Variants in PRUNE2 observed in about 807,000 individuals in gnomAD.
PRUNE2 encodes protein prune homolog 2.
PRUNE2 carries 164 observed loss-of-function variants against 252.0 expected under a neutral mutation model. The ratio of observed to expected loss-of-function variants is 0.65; its 90% CI spans 0.57 to 0.74. The LOEUF is 0.74. Among genes scored for constraint, PRUNE2 ranks in the 30% least tolerant of loss-of-function variants. The pLI, the probability that PRUNE2 is intolerant of heterozygous loss-of-function variation, is 0.00. For synonymous variants in PRUNE2, 1,292 were observed against 1,350.2 expected, an observed-to-expected ratio of 0.96 and a Z score of 0.94; for missense variants, 3,495 against 3,711.0, an observed-to-expected ratio of 0.94 and a Z score of 1.51.
intron 16 of PRUNE2, chr9:76,625,035 T>A: frequency 7.7e-7 from 1 of 1,303,460 alleles, no homozygotes; most frequent in South Asian, 1.2e-5. Context: ...CACACTTCTC[T>A]TATAAGATCT....
chr9:76,812,547 C>T (rs946676013), intron 6 of PRUNE2, among the ~76,000 whole-genome samples: 2 of 152,164 alleles, frequency 1.3e-5, no homozygotes, highest in African/African-American at 2.4e-5. Flanking sequence ...ACTTCTACTA[C>T]GATATCTCAC....
intron 6 of PRUNE2, chr9:76,759,532 A>G (rs1180492555): frequency 6.6e-6 from 1 of 152,414 alleles, no homozygotes; most frequent in Non-Finnish European, 1.5e-5. Context: ...GTGTCTGAAC[A>G]TCGAGAGGAC....
intron 4 of PRUNE2, among the ~76,000 whole-genome samples, chr9:76,845,997 G>A (rs1275324638): frequency 6.6e-6 from 1 of 152,186 alleles, no homozygotes; most frequent in Non-Finnish European, 1.5e-5. Flanking sequence ...AACAGTTTGA[G>A]TGAAGACAGA....
At chr9:76,741,045 C>G (rs1038287280) in intron 6 of PRUNE2, among the ~76,000 whole-genome samples, 1 of 152,158 alleles carries the variant, frequency 6.6e-6, no homozygotes, top group African/African-American at 2.4e-5. Flanking sequence ...GAAGAATACA[C>G]TCACAAAAAT....
At chr9:76,655,374 G>T (rs565440542) in intron 10 of PRUNE2, 49 bp downstream of exon 10, 2 of 1,289,734 alleles carry the variant, frequency 1.6e-6, no homozygotes, top group Non-Finnish European at 2.2e-6. Context: ...TAATGAAAAC[G>T]TTGGGATACA....
rs751560384 is a variant in PRUNE2 at position 76,705,310 on chromosome 9, G to A, written c.6964C>T (p.Leu2322=). Residue 2322 remains leucine, a synonymous_variant, in exon 8 of 19, where the codon CTG becomes TTG. Transcript: ENST00000376718. ...STGTIDDMSK[L]TLSEGHPETP... ...TCCGGATGGCCTTCGGATAATGTCA[G>A]TTTACTCATGTCATCTATTGTTCCC... 1.9e-6 allele frequency: 3 copies of A among 1,613,922 alleles called. No individual in the cohort carries two copies. In the African/African-American group the frequency reaches 4.0e-5, roughly 22 times the overall value.
intron 6 of PRUNE2, among the ~76,000 whole-genome samples, chr9:76,777,675 T>C (rs940487822): frequency 6.6e-6 from 1 of 152,170 alleles, no homozygotes; most frequent in South Asian, 2.1e-4. Context: ...AATACATATA[T>C]AAACAAGTAG....
intron 12 of PRUNE2, among the ~76,000 whole-genome samples, 169 bp from the exon 13 acceptor site, chr9:76,638,457 G>C (rs1042141204): frequency 1.8e-4 from 27 of 152,230 alleles, no homozygotes; most frequent in Admixed American, 2.6e-4. Context: ...TACCCATATA[G>C]TTATCTTTCA....
intron 1 of PRUNE2, among the ~76,000 whole-genome samples, chr9:76,887,570 T>C (rs1298049883): frequency 6.6e-6 from 1 of 152,214 alleles, no homozygotes; most frequent in African/African-American, 2.4e-5. Flanking sequence ...CCCACTGCTA[T>C]TGGGCTTGGC....
chr9:76,895,408 C>G (rs756017001), intron 1 of PRUNE2, among the ~76,000 whole-genome samples: 12 of 152,196 alleles, frequency 7.9e-5, no homozygotes, highest in Admixed American at 1.3e-4. Context: ...GACTCATGAT[C>G]ACTTGTTATA....
In PRUNE2 at chr9:76,864,648, T is replaced by C. The variant is rs55675484; in HGVS notation, c.37-10440A>G. On this transcript the variant is annotated intron_variant, in intron 1 of 18. Transcript: ENST00000376718. The stretch of plus-strand genomic sequence containing the variant: ...TACCATTTTGCCATTAAAAGGGCAA[T>C]ATTTCTGACACACAAAGGGTTCCTA... Among the ~76,000 whole-genome samples the C allele has an allele frequency of 7.5e-3, 1,145 of 152,238 alleles. 10 individuals carry two copies. Among genetic ancestry groups the C allele is most frequent in the African/African-American group, 0.025 (1,035 of 41,540 alleles).
chr9:76,690,522 G>A (rs2044596815), intron 9 of PRUNE2, among the ~76,000 whole-genome samples: 1 of 152,178 alleles, frequency 6.6e-6, no homozygotes, highest in African/African-American at 2.4e-5. Context: ...AGAAAGTACT[G>A]TGATCTCTTA....
intron 1 of PRUNE2, among the ~76,000 whole-genome samples, chr9:76,881,114 TGC>T (rs2061755969): frequency 7.9e-5 from 12 of 152,232 alleles, no homozygotes; most frequent in Non-Finnish European, 1.6e-4. Context: ...ACTACAGGCG[TGC>T]GCCACCATAC....
In PRUNE2 at chr9:76,676,930, C is replaced by A. The variant is rs1371138746; in HGVS notation, c.8277-21428G>T. Among the ~76,000 whole-genome samples, 12 of 152,164 alleles carry A rather than the reference C, an allele frequency of 7.9e-5. No homozygotes were observed. In the East Asian group the frequency reaches 2.3e-3, roughly 29 times the overall value. On this transcript the variant is annotated intron_variant, in intron 9 of 18. Coordinates refer to ENST00000376718, the MANE Select transcript of PRUNE2 (RefSeq NM_015225.3). ...AGATTAATCCATCATTATGGAGGTC[C>A]TGCTGTTCCCACTGTCCACATGTCT...
In PRUNE2 at chr9:76,851,355, G is replaced by A. The variant is rs373499189; in HGVS notation, c.142-690C>T. On this transcript the variant is annotated intron_variant, in intron 2 of 18. Coordinates refer to ENST00000376718, the MANE Select transcript of PRUNE2 (RefSeq NM_015225.3). Reference sequence around the variant, plus strand: ...GAGGTCAGGAGATCGAGACCATCCTGGCTAACACGGTGAAACCCCATCTCT... The same window carrying A: ...GAGGTCAGGAGATCGAGACCATCCTAGCTAACACGGTGAAACCCCATCTCT... 1.8e-4 allele frequency among the ~76,000 whole-genome samples: 27 copies of A among 152,226 alleles called. No individual in the cohort carries two copies. In the East Asian group the frequency reaches 3.1e-3, roughly 17 times the overall value.
intron 6 of PRUNE2, among the ~76,000 whole-genome samples, chr9:76,745,730 T>C (rs759960678): frequency 5.3e-5 from 8 of 152,296 alleles, no homozygotes; most frequent in Middle Eastern, 3.4e-3. Context: ...TAAAACTCTT[T>C]CTCTATTGTA....
intron 6 of PRUNE2, among the ~76,000 whole-genome samples, chr9:76,794,696 G>A (rs966334978): frequency 2.6e-5 from 4 of 151,606 alleles, no homozygotes; most frequent in Non-Finnish European, 1.5e-5. Flanking sequence ...TGGAAAGAAA[G>A]CTTAGTTTCT....
intron 6 of PRUNE2, among the ~76,000 whole-genome samples, chr9:76,794,485 G>A (rs1221096851): frequency 3.3e-5 from 5 of 151,642 alleles, no homozygotes; most frequent in South Asian, 2.1e-4. Context: ...CGTAGTGGCC[G>A]GCGCCTGTAG....
intron 6 of PRUNE2, among the ~76,000 whole-genome samples, chr9:76,807,230 T>TAA (rs56229301): frequency 4.4e-4 from 64 of 146,040 alleles, no homozygotes; most frequent in African/African-American, 6.3e-4. Flanking sequence ...CTGGCTAATT[T>TAA]AAAAAAAAAA....
Sources: gnomAD v4.1 joint callset for allele counts (sites outside exome capture counted in the v4.1 genomes callset) on GRCh38, gnomAD v4.1.1 for gene constraint, MANE v1.5 for transcripts, NCBI Gene and HGNC (gene_info 2026-07-23, HGNC 2026-07-21) for gene names.